SGSM2: variants seen among roughly 807,000 people sequenced by gnomAD.
SGSM2 encodes the protein small G protein signaling modulator 2.
Under a neutral mutation model 126.6 loss-of-function variants are expected in SGSM2, and 89 were observed. That is an observed-to-expected ratio of 0.70 (90% CI 0.59 to 0.84). The LOEUF (loss-of-function observed/expected upper bound fraction) is 0.84. SGSM2 is among the 40% of genes least tolerant of loss of function. The pLI is 0.00. For missense variants in SGSM2, 1,404 were observed against 1,416.6 expected, an observed-to-expected ratio of 0.99 and a Z score of 0.14; for synonymous variants, 614 against 574.3, an observed-to-expected ratio of 1.07 and a Z score of -0.99.
intron 2 of SGSM2, among the ~76,000 whole-genome samples, chr17:2,344,063 C>T (rs564294253): frequency 5.5e-4 from 83 of 152,274 alleles, no homozygotes; most frequent in African/African-American, 1.5e-3. Context: ...GTGCCACTTT[C>T]CCTTTGTTTC....
chr17:2,379,651 T>G lies in SGSM2; in HGVS notation c.*131T>G. The stretch of plus-strand genomic sequence containing the variant: ...GTTCCTAACAAAGCGGTTGTGAGCC[T>G]GGATCCGACTCCCGGCAGTGCTGAC... On this transcript the variant is annotated 3_prime_UTR_variant, in exon 24 of 24. Coordinates refer to ENST00000268989, the MANE Select transcript of SGSM2 (RefSeq NM_014853.3). 6.8e-7 allele frequency: 1 copy of G among 1,464,622 alleles called. No individual in the cohort carries two copies. The highest frequency in any genetic ancestry group is 1.4e-5 in the South Asian group (1 of 73,828). The allele number at this position is 1,464,622 out of a possible 1,614,324, so 90.7% of individuals were successfully genotyped here.
At chr17:2,370,738 A>G (rs2065829454) in intron 12 of SGSM2, among the ~76,000 whole-genome samples, 1 of 152,236 alleles carries the variant, frequency 6.6e-6, no homozygotes, top group Non-Finnish European at 1.5e-5. Flanking sequence ...CAGAAGAGCC[A>G]GGCCTACGGG....
rs1206755905 is a variant in SGSM2 at position 2,365,269 on chromosome 17, G to A, written c.1216G>A (p.Glu406Lys). The A allele has an allele frequency of 1.9e-6, 3 of 1,609,150 alleles. No homozygotes were observed. Among genetic ancestry groups the A allele is most frequent in the South Asian group, 2.2e-5 (2 of 90,086 alleles). The change falls in exon 11 of 24, where the codon GAG becomes AAG. Residue 406 changes from glutamate (E) to lysine (K), a missense_variant. Physicochemically the swap from Glu to Lys is moderately conservative, Grantham distance 56 (BLOSUM62 1). Transcript: ENST00000268989. Reference sequence around the variant, plus strand: ...AAGCAGCATTCGCTCCGTGGATATGGAGGAGATGGGCACGGGGCGGGCCAC... The same window carrying A: ...AAGCAGCATTCGCTCCGTGGATATGAAGGAGATGGGCACGGGGCGGGCCAC... ...KRSSIRSVDM[E>K]EMGTGRATDY...
At chr17:2,354,524 G>A (rs2065009548) in intron 2 of SGSM2, among the ~76,000 whole-genome samples, 1 of 152,210 alleles carries the variant, frequency 6.6e-6, no homozygotes, top group Non-Finnish European at 1.5e-5. Flanking sequence ...TGCTAGAGAT[G>A]TACCATATTT....
Position 2,372,322 on chromosome 17 carries a change from G to C in SGSM2, c.1643-21G>C. On this transcript the variant is annotated intron_variant, in intron 14 of 23. Transcript: ENST00000268989. This position sits in a 1 kb window ranked among gnomAD's most constrained non-coding sequence, Gnocchi z 6.0. ...CGGCCCTGGGTCCCAGCCTCCTGCT[G>C]CCCACCGCTGCCCACCGCAGGGCTG... 6.2e-7 allele frequency: 1 copy of C among 1,602,878 alleles called. No individual in the cohort carries two copies. The highest frequency in any genetic ancestry group is 2.2e-5 in the East Asian group (1 of 44,576).
At chr17:2,368,146 C>T (rs1042047108) in intron 12 of SGSM2, among the ~76,000 whole-genome samples, 2 of 152,204 alleles carry the variant, frequency 1.3e-5, no homozygotes, top group African/African-American at 4.8e-5. Context: ...TGTGTTCCTG[C>T]CCTCATGAGT....
chr17:2,375,870 T>G lies in SGSM2; in HGVS notation c.2479T>G (p.Tyr827Asp), dbSNP rs770420472. 9.9e-6 allele frequency: 15 copies of G among 1,519,970 alleles called. No individual in the cohort carries two copies. In the East Asian group the frequency reaches 3.2e-4, roughly 32 times the overall value. 94.2% of individuals were successfully genotyped at this position (1,519,970 alleles called of 1,614,324 possible). ...GCTTGCGGCTGTGTGTGCGGCTGCC[T>G]ACACTGTGCGTACATGCTCCCCAGG... ...EELAAVCAAA[Y>D]TIELLDTVAL... The change falls in exon 18 of 24, where the codon TAC becomes GAC. Residue 827 changes from tyrosine to aspartate, a missense_variant. Transcript: ENST00000268989.
chr17:2,371,437 C>T, intron 13 of SGSM2, 22 bp downstream of exon 13: 1 of 1,571,450 alleles, frequency 6.4e-7, no homozygotes, highest in Non-Finnish European at 8.6e-7. Context: ...GCGCTCGGCC[C>T]CAGCTTCCCG....
At chr17:2,370,900 C>T (rs1309810610) in intron 12 of SGSM2, among the ~76,000 whole-genome samples, 1 of 130,460 alleles carries the variant, frequency 7.7e-6, no homozygotes, top group Non-Finnish European at 1.6e-5. Context: ...TAGCTGGTGG[C>T]TTTGAGGAGC....
chr17:2,363,654 G>A lies in SGSM2; in HGVS notation c.807+55G>A, dbSNP rs2065425844. On this transcript the variant is annotated intron_variant, in intron 7 of 23. Transcript: ENST00000268989. The surrounding 1 kb of genome is among the most constrained non-coding windows in gnomAD (Gnocchi z 4.2). ...CCGAAGGTCCCCGAACGAGACGACT[G>A]GAAGCCTCTAGCCATGGCTATTCCT... 1.5e-5 allele frequency: 24 copies of A among 1,598,254 alleles called. No homozygotes were observed. The South Asian group carries it at 2.4e-4, about 16-fold the overall frequency.
In SGSM2 at chr17:2,372,185, C is replaced by CACAGGTT; in HGVS notation, c.1578-4_1580dup. 1 of 1,613,298 alleles carries CACAGGTT rather than the reference C, an allele frequency of 6.2e-7. No individual in the cohort carries two copies. The highest frequency in any genetic ancestry group is 8.5e-7 in the Non-Finnish European group (1 of 1,179,800). On this transcript the variant is annotated splice_region_variant and splice_polypyrimidine_tract_variant and intron_variant, in intron 13 of 23. Transcript: ENST00000268989. The surrounding 1 kb of genome is among the most constrained non-coding windows in gnomAD (Gnocchi z 6.0). ...CCTCCCTGCTGAGCCCGGTTGTTGCCACAGGTTGCCGCTCAGGCTACTGTG... is the reference window on the plus strand; with the variant it reads ...CCTCCCTGCTGAGCCCGGTTGTTGCCACAGGTTACAGGTTGCCGCTCAGGCTACTGTG...
chr17:2,342,448 T>C (rs2064413386), intron 1 of SGSM2, among the ~76,000 whole-genome samples: 1 of 151,418 alleles, frequency 6.6e-6, no homozygotes, highest in South Asian at 2.1e-4. Flanking sequence ...AAAAAAAGTA[T>C]AAAAACCCAC....
intron 2 of SGSM2, among the ~76,000 whole-genome samples, chr17:2,359,112 C>CA (rs2065206294): frequency 6.6e-6 from 1 of 152,084 alleles, no homozygotes; most frequent in African/African-American, 2.4e-5. Flanking sequence ...CTCCTGACCT[C>CA]ATGATCCGCC....
intron 2 of SGSM2, among the ~76,000 whole-genome samples, chr17:2,357,178 A>G (rs2065121994): frequency 6.6e-6 from 1 of 152,066 alleles, no homozygotes; most frequent in African/African-American, 2.4e-5. Context: ...TTTCCCTGGG[A>G]AGATGGCTCC....
chr17:2,379,985 A>G lies in SGSM2; in HGVS notation c.*465A>G. ...AGTCCCAGTATATTGTGCGTGCACC[A>G]GCCCCAGCTGGAGCAACCAAAACTG... On this transcript the variant is annotated 3_prime_UTR_variant, in exon 24 of 24. Transcript: ENST00000268989. 1 of 1,378,650 alleles carries G rather than the reference A, an allele frequency of 7.3e-7. No individual in the cohort carries two copies. The highest frequency in any genetic ancestry group is 9.4e-7 in the Non-Finnish European group (1 of 1,067,912). 85.4% of individuals were successfully genotyped at this position (1,378,650 alleles called of 1,614,324 possible).
At position 2,362,782 on chromosome 17, in the gene SGSM2, A is replaced by G; in HGVS notation, c.459-56A>G. 1 of 1,583,978 alleles carries G rather than the reference A, an allele frequency of 6.3e-7. No homozygotes were observed. Among genetic ancestry groups the G allele is most frequent in the Non-Finnish European group, 8.7e-7 (1 of 1,154,928 alleles). ...GGGATGTCCCTACCTGGTGAGCTTG[A>G]CTGCCCTGGAATGAGCCCCGGAGCC... On this transcript the variant is annotated intron_variant, in intron 4 of 23. Transcript: ENST00000268989. The surrounding 1 kb of genome is among the most constrained non-coding windows in gnomAD (Gnocchi z 4.9).
chr17:2,343,337 C>A (rs1284838247), intron 1 of SGSM2, among the ~76,000 whole-genome samples: 2 of 152,140 alleles, frequency 1.3e-5, no homozygotes. Context: ...GGGTTTTTGG[C>A]ATCTCTTTCC....
At chr17:2,347,103 G>A (rs763349175) in intron 2 of SGSM2, among the ~76,000 whole-genome samples, 11 of 151,928 alleles carry the variant, frequency 7.2e-5, no homozygotes, top group Non-Finnish European at 1.5e-4. Context: ...TCGTTTGTTT[G>A]TTTATTTATT....
chr17:2,376,592 TGG>T, intron 19 of SGSM2, 139 bp from the exon 20 acceptor site: 1 of 917,122 alleles, frequency 1.1e-6, no homozygotes, highest in Non-Finnish European at 1.7e-6. Context: ...TGTCTCCCTG[TGG>T]GGGGTGCACA....
Sources: allele counts gnomAD v4.1 joint callset (sites outside exome capture counted in the v4.1 genomes callset), GRCh38; gene constraint gnomAD v4.1.1; non-coding constraint Gnocchi (gnomAD v3.1); transcripts MANE v1.5; gene names NCBI Gene and HGNC (gene_info 2026-07-23, HGNC 2026-07-21).